Variants in EXOC6B observed in about 807,000 individuals in gnomAD.
EXOC6B encodes the protein exocyst complex component 6B, also known as SEC15 homolog B.
In EXOC6B, 54 loss-of-function variants were observed where a neutral mutation model predicts 113.5. The ratio of observed to expected loss-of-function variants is 0.48; its 90% CI spans 0.38 to 0.60. EXOC6B has a LOEUF of 0.60. Ranked by LOEUF, EXOC6B falls within the 20% of genes least tolerant of loss-of-function variation. EXOC6B has a pLI of 0.00. For synonymous variants in EXOC6B, 357 were observed against 339.0 expected (o/e 1.05, Z -0.58); for missense variants, 797 against 977.5 (o/e 0.82, Z 2.46).
chr2:72,464,194 CTT>C (rs896207442), intron 18 of EXOC6B: 1 of 152,136 alleles, frequency 6.6e-6, no homozygotes, highest in Non-Finnish European at 1.5e-5. Flanking sequence ...ATCCCCAACA[CTT>C]TTTTTCCCAT....
At chr2:72,480,501 A>G in intron 17 of EXOC6B, 115 bp downstream of exon 17, 1 of 939,256 alleles carries the variant, frequency 1.1e-6, no homozygotes, top group Non-Finnish European at 1.5e-6. Flanking sequence ...TATCATAAAC[A>G]CTCATTCTCA....
chr2:72,825,946 G>A lies in EXOC6B; in HGVS notation c.-36C>T. The A allele has an allele frequency of 6.2e-7, 1 of 1,606,304 alleles. No individual in the cohort carries two copies. The highest frequency in any genetic ancestry group is 8.5e-7 in the Non-Finnish European group (1 of 1,178,398). ...CGCCCCGCAGCGCGTCCCCTCCGTC[G>A]GCTCGGCTCACCTTTTCCCTGCCCC... is the stretch of plus-strand genomic sequence containing the variant. On this transcript the variant is annotated 5_prime_UTR_variant, in exon 1 of 22. Transcript: ENST00000272427. This position sits in a 1 kb window ranked among gnomAD's most constrained non-coding sequence, Gnocchi z 4.4.
At chr2:72,586,324 G>A (rs1326568363) in intron 6 of EXOC6B, among the ~76,000 whole-genome samples, 1 of 152,052 alleles carries the variant, frequency 6.6e-6, no homozygotes, top group African/African-American at 2.4e-5. Context: ...CATACAGAAT[G>A]GGAGAAAATA....
chr2:72,678,503 T>G (rs893796142), intron 6 of EXOC6B, among the ~76,000 whole-genome samples: 2 of 152,188 alleles, frequency 1.3e-5, no homozygotes, highest in Non-Finnish European at 2.9e-5. Context: ...GGCCAGGAGT[T>G]GGAGGCCTCT....
At chr2:72,747,712 T>C (rs1024499108) in intron 1 of EXOC6B, among the ~76,000 whole-genome samples, 1 of 152,004 alleles carries the variant, frequency 6.6e-6, no homozygotes, top group East Asian at 1.9e-4. Context: ...TACAAAGCAA[T>C]CTTGTTCCCT....
At chr2:72,430,109 AC>A (rs1695432480) in intron 18 of EXOC6B, among the ~76,000 whole-genome samples, 1 of 152,242 alleles carries the variant, frequency 6.6e-6, no homozygotes, top group African/African-American at 2.4e-5. Flanking sequence ...AAAGCCACAT[AC>A]AACTAAAGAC....
chr2:72,206,167 C>T (rs13417114), intron 20 of EXOC6B, among the ~76,000 whole-genome samples: 1 of 151,950 alleles, frequency 6.6e-6, no homozygotes, highest in Non-Finnish European at 1.5e-5. Context: ...CCTATTTTAC[C>T]GATAAGGTAA....
At chr2:72,440,207 T>C (rs990197938) in intron 18 of EXOC6B, among the ~76,000 whole-genome samples, 2 of 152,134 alleles carry the variant, frequency 1.3e-5, no homozygotes, top group Non-Finnish European at 2.9e-5. Context: ...CATAGAGGAA[T>C]TGTGCTGTGC....
chr2:72,366,523 T>G (rs1462281920), intron 19 of EXOC6B, among the ~76,000 whole-genome samples: 1 of 152,004 alleles, frequency 6.6e-6, no homozygotes, highest in Non-Finnish European at 1.5e-5. Context: ...AGAAAAGATA[T>G]TCAAAGAAAT....
At chr2:72,328,350 C>T (rs1030162611) in intron 20 of EXOC6B, among the ~76,000 whole-genome samples, 2 of 151,916 alleles carry the variant, frequency 1.3e-5, no homozygotes, top group Non-Finnish European at 2.9e-5. Flanking sequence ...TTGGCCTTGC[C>T]CTAGAGATCT....
At chr2:72,693,589 C>T (rs1175861032) in intron 6 of EXOC6B, among the ~76,000 whole-genome samples, 1 of 152,116 alleles carries the variant, frequency 6.6e-6, no homozygotes, top group Non-Finnish European at 1.5e-5. Flanking sequence ...GGCCAATGCA[C>T]AAGATCAAAC....
intron 5 of EXOC6B, among the ~76,000 whole-genome samples, chr2:72,725,283 T>C (rs142057858): frequency 6.6e-6 from 1 of 152,180 alleles, no homozygotes. Context: ...TATAAACTAA[T>C]GAAACTATAA....
At chr2:72,575,981 T>A (rs942133895) in intron 6 of EXOC6B, among the ~76,000 whole-genome samples, 1 of 152,128 alleles carries the variant, frequency 6.6e-6, no homozygotes, top group Non-Finnish European at 1.5e-5. Context: ...AAAATATCCA[T>A]TAAATCATCA....
chr2:72,421,951 A>T (rs956235665), intron 18 of EXOC6B, among the ~76,000 whole-genome samples: 1 of 152,212 alleles, frequency 6.6e-6, no homozygotes, highest in Non-Finnish European at 1.5e-5. Context: ...GCTCCAGGCA[A>T]TGAGGGACTT....
chr2:72,399,920 T>A (rs1558628157), intron 18 of EXOC6B, among the ~76,000 whole-genome samples: 1 of 152,074 alleles, frequency 6.6e-6, no homozygotes. Flanking sequence ...TTCACAGTAA[T>A]AGAAAAACCA....
intron 8 of EXOC6B, among the ~76,000 whole-genome samples, chr2:72,539,769 T>G (rs1453313235): frequency 1.3e-5 from 2 of 152,098 alleles, no homozygotes; most frequent in African/African-American, 4.8e-5. Flanking sequence ...CGCGCGTGTG[T>G]GTAGTCTGCA....
intron 20 of EXOC6B, among the ~76,000 whole-genome samples, chr2:72,250,978 T>C (rs1682976904): frequency 6.6e-6 from 1 of 151,588 alleles, no homozygotes; most frequent in South Asian, 2.1e-4. Context: ...GCTGGGTTAG[T>C]TGAGTAGTTG....
intron 6 of EXOC6B, among the ~76,000 whole-genome samples, chr2:72,715,306 T>C (rs554846563): frequency 2.6e-5 from 4 of 151,778 alleles, no homozygotes; most frequent in African/African-American, 4.8e-5. Context: ...AAAAGACATA[T>C]ATAAATGTAA....
At chr2:72,778,079 A>G (rs2104976510) in intron 1 of EXOC6B, among the ~76,000 whole-genome samples, 1 of 152,344 alleles carries the variant, frequency 6.6e-6, no homozygotes, top group East Asian at 1.9e-4. Context: ...AAAGTAAGTC[A>G]TTCCTTATCA....
Sources: allele counts gnomAD v4.1 joint callset (sites outside exome capture counted in the v4.1 genomes callset), GRCh38; gene constraint gnomAD v4.1.1; non-coding constraint Gnocchi (gnomAD v3.1); transcripts MANE v1.5; gene names NCBI Gene and HGNC (gene_info 2026-07-23, HGNC 2026-07-21).